Variants in HES4 observed in about 807,000 individuals in gnomAD.
HES4 encodes transcription factor HES-4.
Under a neutral mutation model 10.7 loss-of-function variants are expected in HES4, and 17 were observed. That is an observed-to-expected ratio of 1.59 (90% CI 1.09 to 2.38). HES4 has a LOEUF of 2.38. HES4 is among the 30% of genes most tolerant of loss of function. The pLI, the probability that HES4 is intolerant of heterozygous loss-of-function variation, is 0.00. For synonymous variants in HES4, 189 were observed against 159.7 expected, an observed-to-expected ratio of 1.18 and a Z score of -1.38; for missense variants, 389 against 332.1, an observed-to-expected ratio of 1.17 and a Z score of -1.33.
Position 999,876 on chromosome 1 carries a change from T to C in HES4, c.98A>G (p.Glu33Gly). The change falls in exon 1 of 4, where the codon GAG (glutamate) becomes GGG (glycine). Residue 33 changes from glutamate (E) to glycine (G), a missense_variant. Coordinates refer to ENST00000304952, the MANE Select transcript of HES4 (RefSeq NM_021170.4). ...RTPDKPRSAA[E>G]HRKSSKPVME... Reference sequence around the variant, plus strand: ...CGGCCGGGACCCCACCTTGCGGTGCTCGGCCGCGCTCCGGGGCTTGTCTGG... The same window carrying C: ...CGGCCGGGACCCCACCTTGCGGTGCCCGGCCGCGCTCCGGGGCTTGTCTGG... 1 of 1,535,374 alleles carries C rather than the reference T, an allele frequency of 6.5e-7. No homozygotes were observed. Among genetic ancestry groups the C allele is most frequent in the East Asian group, 2.5e-5 (1 of 39,238 alleles).
chr1:999,368 C>A lies in HES4; in HGVS notation c.357G>T (p.Ala119=). 1 of 1,500,906 alleles carries A rather than the reference C, an allele frequency of 6.7e-7. No individual in the cohort carries two copies. Among genetic ancestry groups the A allele is most frequent in the East Asian group, 2.7e-5 (1 of 36,892 alleles). The allele number at this position is 1,500,906 out of a possible 1,614,324, so 93.0% of individuals were successfully genotyped here. A position where few individuals can be genotyped will look rare whatever the true frequency, so the allele number is the denominator to read the frequency against. ...AGCCGGCCAGGAAGCGGTTCACCTCCGCCAGACACTCGTGGAAGCCGGCGC... is the reference window on the plus strand; with the variant it reads ...AGCCGGCCAGGAAGCGGTTCACCTCAGCCAGACACTCGTGGAAGCCGGCGC... The part of the protein sequence containing the change: ...KYRAGFHECL[A]EVNRFLAGCE... The change falls in exon 4 of 4, where the codon GCG becomes GCT. Residue 119 remains alanine, a synonymous_variant. Coordinates refer to ENST00000304952, the MANE Select transcript of HES4 (RefSeq NM_021170.4).
Position 999,657 on chromosome 1 carries a change from A to T in HES4, c.204+35T>A, listed in dbSNP as rs370001003. 4.3e-4 allele frequency: 690 copies of T among 1,610,944 alleles called. 8 individuals carry two copies. The South Asian group carries it at 7.2e-3, about 17-fold the overall frequency. On this transcript the variant is annotated intron_variant, in intron 2 of 3. Coordinates refer to ENST00000304952, the MANE Select transcript of HES4 (RefSeq NM_021170.4). ...GGGAGGTCCAGGTCAGCTGCGACCC[A>T]GACTCCGGGTCTCGGGCCTTCGCCC...
Position 999,938 on chromosome 1 carries a change from C to T in HES4, c.36G>A (p.Ser12=). The T allele has an allele frequency of 1.4e-6, 2 of 1,457,308 alleles. No homozygotes were observed. Among genetic ancestry groups the T allele is most frequent in the African/African-American group, 1.5e-5 (1 of 67,004 alleles). 90.3% of individuals were successfully genotyped at this position (1,457,308 alleles called of 1,614,324 possible). ...CGCTGGCCGGCGCTCCTGCCATCGGCGAGGCGCTCGGTTTCCCCGGCGTGT... is the reference window on the plus strand; with the variant it reads ...CGCTGGCCGGCGCTCCTGCCATCGGTGAGGCGCTCGGTTTCCCCGGCGTGT... ...AADTPGKPSA[S]PMAGAPASAS... Residue 12 remains serine, a synonymous_variant, in exon 1 of 4, where the codon TCG becomes TCA. Transcript: ENST00000304952.
chr1:999,914 G>T lies in HES4; in HGVS notation c.60C>A (p.Ser20Arg), dbSNP rs763268705. ...SASPMAGAPA[S>R]ASRTPDKPRS... ...GGGGCTTGTCTGGGGTCCGGCTGGC[G>T]CTGGCCGGCGCTCCTGCCATCGGCG... The change falls in exon 1 of 4, where the codon AGC becomes AGA. Residue 20 changes from serine (S) to arginine (R), a missense_variant. Coordinates refer to ENST00000304952, the MANE Select transcript of HES4 (RefSeq NM_021170.4). 8.2e-6 allele frequency: 12 copies of T among 1,471,816 alleles called. No individual in the cohort carries two copies. The Middle Eastern group carries it at 7.1e-4, about 87-fold the overall frequency. 91.2% of individuals were successfully genotyped at this position (1,471,816 alleles called of 1,614,324 possible).
In HES4 at chr1:999,883, C is replaced by T; in HGVS notation, c.91G>A (p.Ala31Thr). ...GACCCCACCTTGCGGTGCTCGGCCGCGCTCCGGGGCTTGTCTGGGGTCCGG... is the reference window on the plus strand; with the variant it reads ...GACCCCACCTTGCGGTGCTCGGCCGTGCTCCGGGGCTTGTCTGGGGTCCGG... ...ASRTPDKPRS[A>T]AEHRKSSKPV... Residue 31 changes from alanine (A) to threonine (T), a missense_variant, in exon 1 of 4, where the codon GCG becomes ACG. Physicochemically the swap from Ala to Thr is moderately conservative, Grantham distance 58. Transcript: ENST00000304952. 2.0e-6 allele frequency: 3 copies of T among 1,518,658 alleles called. No homozygotes were observed. The highest frequency in any genetic ancestry group is 2.4e-5 in the South Asian group (2 of 81,934). 94.1% of individuals were successfully genotyped at this position (1,518,658 alleles called of 1,614,324 possible). A position where few individuals can be genotyped will look rare whatever the true frequency, so the allele number is the denominator to read the frequency against.
At position 999,215 on chromosome 1, in the gene HES4, G is replaced by C; in HGVS notation, c.510C>G (p.Pro170=). The stretch of plus-strand genomic sequence containing the variant: ...GCAGCGGGCGGCCCGCGTAGACCTC[G>C]GGCGCTGGGGCCTCTGCGGGGGCAG... ...SPAAPAEAPA[P]EVYAGRPLLP... is the part of the protein sequence containing the mutation. Residue 170 remains proline, a synonymous_variant, in exon 4 of 4, where the codon CCC becomes CCG. Coordinates refer to ENST00000304952, the MANE Select transcript of HES4 (RefSeq NM_021170.4). 1 of 1,305,150 alleles carries C rather than the reference G, an allele frequency of 7.7e-7. No homozygotes were observed. Among genetic ancestry groups the C allele is most frequent in the Non-Finnish European group, 9.7e-7 (1 of 1,033,414 alleles). 80.8% of individuals were successfully genotyped at this position (1,305,150 alleles called of 1,614,324 possible).
At position 999,240 on chromosome 1, in the gene HES4, G is replaced by A. The variant is rs1643984681; in HGVS notation, c.485C>T (p.Ala162Val). The A allele has an allele frequency of 7.3e-7, 1 of 1,368,686 alleles. No individual in the cohort carries two copies. The highest frequency in any genetic ancestry group is 2.6e-4 in the Middle Eastern group (1 of 3,816). The allele number at this position is 1,368,686 out of a possible 1,614,324, so 84.8% of individuals were successfully genotyped here. The change falls in exon 4 of 4, where the codon GCT becomes GTT. Residue 162 changes from alanine (A) to valine (V), a missense_variant. Physicochemically the swap from Ala to Val is moderately conservative, Grantham distance 64. Transcript: ENST00000304952. The stretch of plus-strand genomic sequence containing the variant: ...GGGCGCTGGGGCCTCTGCGGGGGCA[G>A]CCGGGGACAGCGAGGCCGGGCGGCG... ...PSRRPASLSP[A>V]APAEAPAPEV...
Position 999,962 on chromosome 1 carries a change from GTCTGC to G in HES4, c.7_11del (p.Ala3HisfsTer47). On this transcript the variant is annotated frameshift_variant, in exon 1 of 4. Transcript: ENST00000304952. LOFTEE classifies it high-confidence loss of function. ...GCGAGGCGCTCGGTTTCCCCGGCGT[GTCTGC>G]GGCCATGGTGCGCCCCGCGCCTCCC... 6.9e-7 allele frequency: 1 copy of G among 1,446,662 alleles called. No individual in the cohort carries two copies. Among genetic ancestry groups the G allele is most frequent in the Non-Finnish European group, 9.0e-7 (1 of 1,110,198 alleles). 89.6% of individuals were successfully genotyped at this position (1,446,662 alleles called of 1,614,324 possible).
chr1:999,910 T>G lies in HES4; in HGVS notation c.64A>C (p.Ser22Arg). The G allele has an allele frequency of 6.8e-7, 1 of 1,481,266 alleles. No individual in the cohort carries two copies. The highest frequency in any genetic ancestry group is 8.9e-7 in the Non-Finnish European group (1 of 1,124,688). 91.8% of individuals were successfully genotyped at this position (1,481,266 alleles called of 1,614,324 possible). ...SPMAGAPASA[S>R]RTPDKPRSAA... ...CTCCGGGGCTTGTCTGGGGTCCGGC[T>G]GGCGCTGGCCGGCGCTCCTGCCATC... The change falls in exon 1 of 4, where the codon AGC becomes CGC. Residue 22 changes from serine to arginine, a missense_variant. Coordinates refer to ENST00000304952, the MANE Select transcript of HES4 (RefSeq NM_021170.4).
chr1:999,161 C>G lies in HES4; in HGVS notation c.564G>C (p.Leu188=). 1 of 1,236,698 alleles carries G rather than the reference C, an allele frequency of 8.1e-7. No individual in the cohort carries two copies. The highest frequency in any genetic ancestry group is 1.0e-6 in the Non-Finnish European group (1 of 992,722). 76.6% of individuals were successfully genotyped at this position (1,236,698 alleles called of 1,614,324 possible). A position where few individuals can be genotyped will look rare whatever the true frequency, so the allele number is the denominator to read the frequency against. ...GACCCGGCAGCAGCGGCGGCGCGAGCAGAGGGAAGGGGCCGCCGAGCGATG... is the reference window on the plus strand; with the variant it reads ...GACCCGGCAGCAGCGGCGGCGCGAGGAGAGGGAAGGGGCCGCCGAGCGATG... ...LLPSLGGPFP[L]LAPPLLPGLT... is the part of the protein sequence containing the mutation. Residue 188 remains leucine (L), a synonymous_variant, in exon 4 of 4, where the codon CTG becomes CTC. Transcript: ENST00000304952.
rs1170989595 is a variant in HES4, at chr1:999,562, T to C, written c.256A>G (p.Arg86Gly). The C allele has an allele frequency of 1.9e-6, 3 of 1,606,972 alleles. No homozygotes were observed. Among genetic ancestry groups the C allele is most frequent in the South Asian group, 1.1e-5 (1 of 90,316 alleles). ...ACGCGACGCAGGCTCCGCAGGTGTCTCACGGTCATCTCCAGGATGTCCGCC... is the reference window on the plus strand; with the variant it reads ...ACGCGACGCAGGCTCCGCAGGTGTCCCACGGTCATCTCCAGGATGTCCGCC... ...EKADILEMTV[R>G]HLRSLRRVQV... Residue 86 changes from arginine (R) to glycine (G), a missense_variant, in exon 3 of 4, where the codon AGA (arginine) becomes GGA (glycine). Arg to Gly is a moderately radical substitution (Grantham distance 125, BLOSUM62 -2). Coordinates refer to ENST00000304952, the MANE Select transcript of HES4 (RefSeq NM_021170.4).
Position 999,349 on chromosome 1 carries a change from C to A in HES4, c.376G>T (p.Ala126Ser). ...TCGGCCGGGACGCCCTCGCAGCCGG[C>A]CAGGAAGCGGTTCACCTCCGCCAGA... ...ECLAEVNRFL[A>S]GCEGVPADVR... is the part of the protein sequence containing the mutation. The change falls in exon 4 of 4, where the codon GCC becomes TCC. Residue 126 changes from alanine (A) to serine (S), a missense_variant. Ala to Ser is a moderately conservative substitution (Grantham distance 99, BLOSUM62 1). Transcript: ENST00000304952. 1 of 1,491,242 alleles carries A rather than the reference C, an allele frequency of 6.7e-7. No homozygotes were observed. The highest frequency in any genetic ancestry group is 1.3e-5 in the South Asian group (1 of 78,512). 92.4% of individuals were successfully genotyped at this position (1,491,242 alleles called of 1,614,324 possible).
Position 1,000,023 on chromosome 1 carries a change from ACGGGCGGG to A in HES4, c.-58_-51del. 1 of 1,242,050 alleles carries A rather than the reference ACGGGCGGG, an allele frequency of 8.1e-7. No individual in the cohort carries two copies. Among genetic ancestry groups the A allele is most frequent in the Non-Finnish European group, 1.0e-6 (1 of 994,844 alleles). The allele number at this position is 1,242,050 out of a possible 1,614,324, so 76.9% of individuals were successfully genotyped here. On this transcript the variant is annotated 5_prime_UTR_variant, in exon 1 of 4. Transcript: ENST00000304952. ...CGGGTGGAGCGCGCCGCCACGGACC[ACGGGCGGG>A]CTGGCGGGCGAGCGGCGAGCGCGCG...
intron 2 of HES4, 29 bp downstream of exon 2, chr1:999,663 C>G: frequency 1.2e-6 from 2 of 1,611,360 alleles, no homozygotes. Context: ...ACCCAGACTC[C>G]GGGTCTCGGG....
Position 999,583 on chromosome 1 carries a change from C to T in HES4, c.235G>A (p.Asp79Asn), listed in dbSNP as rs1372790385. ...TGTCTCACGGTCATCTCCAGGATGT[C>T]CGCCTTCTCCAGCTTCGAGTGGCGG... ...SSRHSKLEKA[D>N]ILEMTVRHLR... Residue 79 changes from aspartate (D) to asparagine (N), a missense_variant, in exon 3 of 4, where the codon GAC becomes AAC. Asp to Asn is a conservative substitution (Grantham distance 23). Transcript: ENST00000304952. 1.2e-5 allele frequency: 19 copies of T among 1,610,298 alleles called. No homozygotes were observed. The highest frequency in any genetic ancestry group is 1.3e-5 in the African/African-American group (1 of 74,702).
chr1:999,640 C>T lies in HES4; in HGVS notation c.205-27G>A, dbSNP rs375743015. Reference sequence around the variant, plus strand: ...TGGGGGCGGGGATAGGCGGGAGGTCCAGGTCAGCTGCGACCCAGACTCCGG... The same window carrying T: ...TGGGGGCGGGGATAGGCGGGAGGTCTAGGTCAGCTGCGACCCAGACTCCGG... On this transcript the variant is annotated intron_variant, in intron 2 of 3. Coordinates refer to ENST00000304952, the MANE Select transcript of HES4 (RefSeq NM_021170.4). The T allele has an allele frequency of 2.9e-4, 465 of 1,610,096 alleles. 9 individuals are homozygous for T. The East Asian group carries it at 7.4e-3, about 26-fold the overall frequency.
In HES4 at chr1:998,983, T is replaced by C. The variant is rs1643977119; in HGVS notation, c.*76A>G. 1.5e-5 allele frequency: 18 copies of C among 1,176,998 alleles called. No homozygotes were observed. In the South Asian group the frequency reaches 5.8e-4, roughly 38 times the overall value. 72.9% of individuals were successfully genotyped at this position (1,176,998 alleles called of 1,614,324 possible). On this transcript the variant is annotated 3_prime_UTR_variant, in exon 4 of 4. Coordinates refer to ENST00000304952, the MANE Select transcript of HES4 (RefSeq NM_021170.4). ...AGACTCTGGAATAATAAATACGTTTTCTCTGCTACAGTCTCGGCAAAGGCC... is the reference window on the plus strand; with the variant it reads ...AGACTCTGGAATAATAAATACGTTTCCTCTGCTACAGTCTCGGCAAAGGCC...
Position 1,000,029 on chromosome 1 carries a change from G to T in HES4, c.-56C>A, listed in dbSNP as rs944949915. 15 of 1,217,046 alleles carry T rather than the reference G, an allele frequency of 1.2e-5. No individual in the cohort carries two copies. In the African/African-American group the frequency reaches 1.3e-4, roughly 10 times the overall value. The allele number at this position is 1,217,046 out of a possible 1,614,324, so 75.4% of individuals were successfully genotyped here. A position where few individuals can be genotyped will look rare whatever the true frequency, so the allele number is the denominator to read the frequency against. On this transcript the variant is annotated 5_prime_UTR_variant, in exon 1 of 4. Transcript: ENST00000304952. ...GAGCGCGCCGCCACGGACCACGGGC[G>T]GGCTGGCGGGCGAGCGGCGAGCGCG...
chr1:999,801 A>T lies in HES4; in HGVS notation c.109-14T>A. On this transcript the variant is annotated splice_polypyrimidine_tract_variant and intron_variant, in intron 1 of 3. Coordinates refer to ENST00000304952, the MANE Select transcript of HES4 (RefSeq NM_021170.4). ...CGGCTTGGAGGACTGCGGGTCGGGC[A>T]CCGGCTGAGTCCCGCGTCCCTCCCG... 6.2e-7 allele frequency: 1 copy of T among 1,609,184 alleles called. No homozygotes were observed. Among genetic ancestry groups the T allele is most frequent in the Non-Finnish European group, 8.5e-7 (1 of 1,178,698 alleles).
Sources: allele counts gnomAD v4.1 joint callset, GRCh38; gene constraint gnomAD v4.1.1; transcripts MANE v1.5; gene names NCBI Gene and HGNC (gene_info 2026-07-23, HGNC 2026-07-21).